Variants in PLCXD3 observed in about 807,000 individuals in gnomAD.
PLCXD3 encodes the protein phosphatidylinositol specific phospholipase C X domain containing 3.
In PLCXD3, 19 loss-of-function variants were observed where a neutral mutation model predicts 25.5. The ratio of observed to expected loss-of-function variants is 0.75; its 90% CI spans 0.52 to 1.09. PLCXD3 has a LOEUF of 1.09. Ranked by LOEUF, PLCXD3 falls within the 50% of genes least tolerant of loss-of-function variation. PLCXD3 has a pLI of 0.00. For synonymous variants in PLCXD3, 174 were observed against 137.6 expected (o/e 1.26, Z -1.85); for missense variants, 411 against 388.1 (o/e 1.06, Z -0.50).
intron 2 of PLCXD3, among the ~76,000 whole-genome samples, chr5:41,364,459 C>T (rs557711659): frequency 1.3e-5 from 2 of 152,126 alleles, no homozygotes; most frequent in Non-Finnish European, 2.9e-5. Flanking sequence ...CCTTAGATTC[C>T]TTCACCAAAG....
intron 1 of PLCXD3, among the ~76,000 whole-genome samples, chr5:41,448,344 TG>T (rs1256501504): frequency 6.6e-6 from 1 of 152,226 alleles, no homozygotes; most frequent in Non-Finnish European, 1.5e-5. Flanking sequence ...CAGATTTACT[TG>T]GGCTGAAGCC....
intron 1 of PLCXD3, among the ~76,000 whole-genome samples, chr5:41,439,231 A>C (rs1254053610): frequency 1.3e-5 from 2 of 152,188 alleles, no homozygotes; most frequent in East Asian, 3.8e-4. Flanking sequence ...TCTAAGAAGA[A>C]ACTGAGAGAG....
chr5:41,335,880 G>C (rs1743964477), intron 2 of PLCXD3, among the ~76,000 whole-genome samples: 1 of 152,102 alleles, frequency 6.6e-6, no homozygotes. Context: ...TGTCCATAAA[G>C]CCTCCTTTGG....
chr5:41,479,729 A>AAG lies in PLCXD3; in HGVS notation c.103+30693_103+30694dup, dbSNP rs951209823. Among the ~76,000 whole-genome samples the AAG allele has an allele frequency of 5.8e-3, 809 of 138,638 alleles. 4 individuals are homozygous for AAG. Among genetic ancestry groups the AAG allele is most frequent in the African/African-American group, 9.3e-3 (332 of 35,838 alleles). The allele number at this position is 138,638 out of a possible 152,430, so 91.0% of individuals were successfully genotyped here. Reference sequence around the variant, plus strand: ...GCTGAGAGGGAGAGAGAGAGAGAGAAAGAGAGAGAGAGAGAGAGAGTAGGC... The same window carrying AAG: ...GCTGAGAGGGAGAGAGAGAGAGAGAAAGAGAGAGAGAGAGAGAGAGAGTAGGC... On this transcript the variant is annotated intron_variant, in intron 1 of 2. Coordinates refer to ENST00000377801, the MANE Select transcript of PLCXD3 (RefSeq NM_001005473.3).
intron 1 of PLCXD3, among the ~76,000 whole-genome samples, chr5:41,449,263 ATTT>A: frequency 6.6e-6 from 1 of 152,226 alleles, no homozygotes; most frequent in Non-Finnish European, 1.5e-5. Flanking sequence ...GCATTAATGC[ATTT>A]TATACCAAAG....
intron 1 of PLCXD3, chr5:41,475,573 T>A (rs1748264046): frequency 3.8e-6 from 2 of 530,574 alleles, no homozygotes; most frequent in South Asian, 2.8e-5. Flanking sequence ...CTTATCTCTG[T>A]TTATCCCTGT....
intron 1 of PLCXD3, among the ~76,000 whole-genome samples, chr5:41,483,895 A>G (rs943218991): frequency 1.3e-5 from 2 of 152,124 alleles, no homozygotes; most frequent in African/African-American, 4.8e-5. Flanking sequence ...CAACACCACT[A>G]ACACACACAA....
chr5:41,412,698 T>TTTATTGTGTCAGCCTCTACTTC (rs1746591118), intron 1 of PLCXD3, among the ~76,000 whole-genome samples: 1 of 152,206 alleles, frequency 6.6e-6, no homozygotes, highest in African/African-American at 2.4e-5. Context: ...TACATTATCT[T>TTTATTGTGTCAGCCTCTACTTC]TTATTGTGTC....
At chr5:41,390,730 C>A (rs983812989) in intron 1 of PLCXD3, among the ~76,000 whole-genome samples, 2 of 151,934 alleles carry the variant, frequency 1.3e-5, no homozygotes, top group African/African-American at 4.8e-5. Flanking sequence ...GAAAAAAAAA[C>A]AAAAACACCT....
At chr5:41,432,738 A>G (rs1343042840) in intron 1 of PLCXD3, among the ~76,000 whole-genome samples, 1 of 152,224 alleles carries the variant, frequency 6.6e-6, no homozygotes, top group Admixed American at 6.5e-5. Flanking sequence ...TGTTTATTTA[A>G]TAATGCAACT....
intron 2 of PLCXD3, among the ~76,000 whole-genome samples, chr5:41,356,613 A>C (rs1006572369): frequency 1.3e-5 from 2 of 152,196 alleles, no homozygotes; most frequent in African/African-American, 4.8e-5. Context: ...TTAAAAATGA[A>C]AACGGCCCCT....
chr5:41,482,129 C>G (rs887834089), intron 1 of PLCXD3, among the ~76,000 whole-genome samples: 1 of 152,012 alleles, frequency 6.6e-6, no homozygotes, highest in South Asian at 2.1e-4. Flanking sequence ...CTTCTTTTGG[C>G]TTAGGTGAAT....
chr5:41,424,583 A>G (rs909609645), intron 1 of PLCXD3, among the ~76,000 whole-genome samples: 2 of 152,192 alleles, frequency 1.3e-5, no homozygotes, highest in African/African-American at 4.8e-5. Flanking sequence ...GAACCAGTTT[A>G]GTTTCATCAC....
chr5:41,379,752 G>A (rs749844857), intron 2 of PLCXD3, among the ~76,000 whole-genome samples: 3 of 151,978 alleles, frequency 2.0e-5, no homozygotes, highest in African/African-American at 7.2e-5. Context: ...AAAAAACATT[G>A]TGGAAATGAA....
Position 41,474,067 on chromosome 5 carries a change from G to A in PLCXD3, c.103+36357C>T, listed in dbSNP as rs139895205. Among the ~76,000 whole-genome samples the A allele has an allele frequency of 3.7e-3, 561 of 152,264 alleles. 3 individuals carry two copies. The highest frequency in any genetic ancestry group is 0.017 in the Middle Eastern group (5 of 294). On this transcript the variant is annotated intron_variant, in intron 1 of 2. Transcript: ENST00000377801. ...TTACTACTTGAGACCATCGTTACGA[G>A]ACTGAACAAAGGGATGAAGGTAGAA...
At chr5:41,365,890 C>G (rs1388845203) in intron 2 of PLCXD3, among the ~76,000 whole-genome samples, 1 of 151,318 alleles carries the variant, frequency 6.6e-6, no homozygotes, top group Non-Finnish European at 1.5e-5. Flanking sequence ...TATTCTTTGT[C>G]CTTGTTCTCA....
rs2150502127 is a variant in PLCXD3, at chr5:41,407,933, A to G, written c.104-25399T>C. On this transcript the variant is annotated intron_variant, in intron 1 of 2. Coordinates refer to ENST00000377801, the MANE Select transcript of PLCXD3 (RefSeq NM_001005473.3). ...TTGGTTTCCTTATTTAAGTCTTTTG[A>G]TCCAATATTCAAGATGCTAAATTTG... is the stretch of plus-strand genomic sequence containing the variant. Among the ~76,000 whole-genome samples, 4 of 152,286 alleles carry G rather than the reference A, an allele frequency of 2.6e-5. No individual in the cohort carries two copies. The South Asian group carries it at 8.3e-4, about 32-fold the overall frequency.
chr5:41,346,411 G>A (rs1229901706), intron 2 of PLCXD3, among the ~76,000 whole-genome samples: 8 of 152,128 alleles, frequency 5.3e-5, no homozygotes, highest in Non-Finnish European at 1.2e-4. Flanking sequence ...TTTGACAAAT[G>A]CATGATGTCC....
intron 2 of PLCXD3, among the ~76,000 whole-genome samples, chr5:41,331,702 G>T (rs1022159758): frequency 2.6e-5 from 4 of 152,100 alleles, no homozygotes; most frequent in African/African-American, 9.7e-5. Context: ...ATACTACAAG[G>T]CTACAGTAAC....
Sources: gnomAD v4.1 joint callset for allele counts (sites outside exome capture counted in the v4.1 genomes callset) on GRCh38, gnomAD v4.1.1 for gene constraint, MANE v1.5 for transcripts, NCBI Gene and HGNC (gene_info 2026-07-23, HGNC 2026-07-21) for gene names.